Variants in ARID1B observed in about 807,000 individuals in gnomAD.
ARID1B encodes AT-rich interaction domain 1B.
A neutral mutation model predicts 212.3 loss-of-function variants in ARID1B; 30 were observed. The observed-to-expected ratio is 0.14, with a 90% CI of 0.11 to 0.19. The LOEUF (loss-of-function observed/expected upper bound fraction) is 0.19, where lower values mean the gene tolerates loss of function less well. Among genes scored for constraint, ARID1B ranks in the 10% least tolerant of loss-of-function variants. The pLI, the probability that ARID1B is intolerant of heterozygous loss-of-function variation, is 1.00. For missense variants in ARID1B, 2,891 were observed against 3,204.0 expected, an observed-to-expected ratio of 0.90 and a Z score of 2.36; for synonymous variants, 1,402 against 1,301.7, an observed-to-expected ratio of 1.08 and a Z score of -1.66.
intron 6 of ARID1B, among the ~76,000 whole-genome samples, chr6:157,128,327 C>T (rs1788296958): frequency 1.3e-5 from 2 of 152,130 alleles, no homozygotes; most frequent in Admixed American, 1.3e-4. Context: ...CTGGTCTTCT[C>T]ACGTGTAACC....
rs543219699 is a variant in ARID1B, at chr6:156,970,554, C to A, written c.2247+34978C>A. Reference sequence around the variant, plus strand: ...GTTGCAAATTTTGGAACATTAAAAACAATTTGTTCAAAACTATTTTATTCC... The same window carrying A: ...GTTGCAAATTTTGGAACATTAAAAAAAATTTGTTCAAAACTATTTTATTCC... On this transcript the variant is annotated intron_variant, in intron 4 of 19. Coordinates refer to ENST00000636930, the MANE Select transcript of ARID1B (RefSeq NM_001374828.1). Among the ~76,000 whole-genome samples, 34 of 152,316 alleles carry A rather than the reference C, an allele frequency of 2.2e-4. No homozygotes were observed. In the South Asian group the frequency reaches 6.2e-3, roughly 28 times the overall value.
chr6:156,856,670 A>G (rs1035637593), intron 2 of ARID1B, among the ~76,000 whole-genome samples: 2 of 109,916 alleles, frequency 1.8e-5, no homozygotes, highest in African/African-American at 7.2e-5. Flanking sequence ...GGGCATGCAT[A>G]TCCTCTCTCT....
chr6:157,065,218 G>A (rs1490394768), intron 4 of ARID1B, among the ~76,000 whole-genome samples: 1 of 152,154 alleles, frequency 6.6e-6, no homozygotes, highest in Non-Finnish European at 1.5e-5. Context: ...AAAACTTGAA[G>A]GAAAATCTGA....
At chr6:157,146,249 C>G (rs1402401154) in intron 7 of ARID1B, among the ~76,000 whole-genome samples, 1 of 152,214 alleles carries the variant, frequency 6.6e-6, no homozygotes. Flanking sequence ...AATTTTGATA[C>G]TTTACATCCA....
intron 4 of ARID1B, among the ~76,000 whole-genome samples, chr6:157,067,065 T>C (rs1435331080): frequency 3.3e-5 from 5 of 151,946 alleles, no homozygotes; most frequent in African/African-American, 4.8e-5. Context: ...GCTGTCAGGA[T>C]AAAAAAAACA....
intron 4 of ARID1B, among the ~76,000 whole-genome samples, chr6:156,975,602 A>ATT (rs57649427): frequency 1.2e-4 from 10 of 86,276 alleles, no homozygotes; most frequent in African/African-American, 3.3e-4. Flanking sequence ...GTTTGACTGT[A>ATT]TTTTTTTTTT....
chr6:157,101,526 T>C (rs1034726202), intron 5 of ARID1B, among the ~76,000 whole-genome samples: 1 of 152,210 alleles, frequency 6.6e-6, no homozygotes, highest in Non-Finnish European at 1.5e-5. Context: ...AAGAAAATTA[T>C]CCAAATTTCC....
At chr6:157,102,692 G>A (rs1225026133) in intron 5 of ARID1B, among the ~76,000 whole-genome samples, 2 of 143,396 alleles carry the variant, frequency 1.4e-5, no homozygotes, top group African/African-American at 5.2e-5. Flanking sequence ...TGCCTCCCGG[G>A]TTCAAGTGAT....
chr6:156,868,598 C>A (rs1785887190), intron 2 of ARID1B, among the ~76,000 whole-genome samples: 1 of 152,186 alleles, frequency 6.6e-6, no homozygotes, highest in Non-Finnish European at 1.5e-5. Context: ...GGGTGGCCAG[C>A]TGACTGTTCT....
intron 3 of ARID1B, among the ~76,000 whole-genome samples, chr6:156,919,111 C>G (rs1790584729): frequency 6.6e-6 from 1 of 152,142 alleles, no homozygotes; most frequent in Non-Finnish European, 1.5e-5. Flanking sequence ...ATTTGGTTTT[C>G]TTAATTGCTG....
At chr6:157,135,784 G>GT (rs1295590871) in intron 7 of ARID1B, among the ~76,000 whole-genome samples, 8 of 152,064 alleles carry the variant, frequency 5.3e-5, no homozygotes, top group East Asian at 1.9e-4. Context: ...CTAATAAAGG[G>GT]TTTTTTTTCT....
chr6:157,208,873 A>G lies in ARID1B; in HGVS notation c.*982A>G, dbSNP rs186673230. The G allele has an allele frequency of 5.9e-4, 135 of 227,322 alleles. No individual in the cohort carries two copies. The highest frequency in any genetic ancestry group is 5.2e-3 in the Middle Eastern group (4 of 766). 14.1% of individuals were successfully genotyped at this position (227,322 alleles called of 1,614,324 possible). ...AAAGAAAGAAAAAATACAAAAAACAAAAACAAAAAAAAAAGAGGGTAATGT... is the reference window on the plus strand; with the variant it reads ...AAAGAAAGAAAAAATACAAAAAACAGAAACAAAAAAAAAAGAGGGTAATGT... On this transcript the variant is annotated 3_prime_UTR_variant, in exon 20 of 20. Coordinates refer to ENST00000636930, the MANE Select transcript of ARID1B (RefSeq NM_001374828.1).
At chr6:156,831,916 A>G (rs935971134) in intron 2 of ARID1B, among the ~76,000 whole-genome samples, 1 of 152,266 alleles carries the variant, frequency 6.6e-6, no homozygotes, top group African/African-American at 2.4e-5. Context: ...AGAAGTGTGG[A>G]AACTTTCATA....
At position 157,201,568 on chromosome 6, in the gene ARID1B, T is replaced by C; in HGVS notation, c.5263+80T>C. 1 of 1,429,604 alleles carries C rather than the reference T, an allele frequency of 7.0e-7. No individual in the cohort carries two copies. 88.6% of individuals were successfully genotyped at this position (1,429,604 alleles called of 1,614,324 possible). ...TTAATTTTAGTAAAGATGCTGTTCC[T>C]GCTCATCTTAAAGGGATGAAAAAAT... On this transcript the variant is annotated intron_variant, in intron 18 of 19. Transcript: ENST00000636930. The surrounding 1 kb of genome is among the most constrained non-coding windows in gnomAD (Gnocchi z 5.2).
intron 2 of ARID1B, among the ~76,000 whole-genome samples, chr6:156,871,271 C>T (rs1356802254): frequency 6.6e-6 from 1 of 152,148 alleles, no homozygotes; most frequent in Non-Finnish European, 1.5e-5. Context: ...CATTTATCAC[C>T]TCCTAGCTAG....
intron 7 of ARID1B, among the ~76,000 whole-genome samples, chr6:157,134,412 G>T (rs1348003371): frequency 6.6e-6 from 1 of 152,190 alleles, no homozygotes; most frequent in African/African-American, 2.4e-5. Context: ...AAATATTTCT[G>T]TTGGTAGGAA....
chr6:157,157,399 C>T (rs551598362), intron 8 of ARID1B, among the ~76,000 whole-genome samples: 7 of 152,326 alleles, frequency 4.6e-5, no homozygotes, highest in African/African-American at 9.6e-5. Context: ...TTTGGAATTA[C>T]GTGTGTGCAA....
At position 157,206,328 on chromosome 6, in the gene ARID1B, G is replaced by A. The variant is rs1296643350; in HGVS notation, c.5556G>A (p.Gly1852=). 1 of 1,614,196 alleles carries A rather than the reference G, an allele frequency of 6.2e-7. No individual in the cohort carries two copies. The highest frequency in any genetic ancestry group is 1.1e-5 in the South Asian group (1 of 91,070). ...GCCAGTCCTTGGCAGACGATTCTGG[G>A]AAAGAGGAGGAAGATGCTGAATGTA... ...DDSQSLADDS[G]KEEEDAECID... Residue 1852 remains glycine, a synonymous_variant, in exon 20 of 20, where the codon GGG becomes GGA. Transcript: ENST00000636930. This position sits in a 1 kb window ranked among gnomAD's most constrained non-coding sequence, Gnocchi z 6.8.
intron 4 of ARID1B, among the ~76,000 whole-genome samples, chr6:156,988,460 A>G (rs763243652): frequency 6.6e-6 from 1 of 152,136 alleles, no homozygotes; most frequent in Non-Finnish European, 1.5e-5. Flanking sequence ...AGGAACGGCT[A>G]GTGCATCCAT....
Sources: gnomAD v4.1 joint callset for allele counts (sites outside exome capture counted in the v4.1 genomes callset) on GRCh38, gnomAD v4.1.1 for gene constraint, Gnocchi (gnomAD v3.1) non-coding constraint, MANE v1.5 for transcripts, NCBI Gene and HGNC (gene_info 2026-07-23, HGNC 2026-07-21) for gene names.